Variants in SNRNP35 observed in about 807,000 individuals in gnomAD.
SNRNP35 encodes U11/U12 small nuclear ribonucleoprotein 35 kDa protein.
A neutral mutation model predicts 24.3 loss-of-function variants in SNRNP35; 16 were observed. That is an observed-to-expected ratio of 0.66 (90% CI 0.45 to 1.00). The LOEUF (loss-of-function observed/expected upper bound fraction) is 1.00, where lower values mean the gene tolerates loss of function less well. Among genes scored for constraint, SNRNP35 ranks in the 50% least tolerant of loss-of-function variants. SNRNP35 has a pLI of 0.00. For synonymous variants in SNRNP35, 106 were observed against 124.8 expected, an observed-to-expected ratio of 0.85 and a Z score of 1.00; for missense variants, 292 against 327.2, an observed-to-expected ratio of 0.89 and a Z score of 0.83.
chr12:123,467,426 G>T (rs553446217), downstream of SNRNP35, among the ~76,000 whole-genome samples: 2 of 152,314 alleles, frequency 1.3e-5, no homozygotes, highest in Admixed American at 1.3e-4. Context: ...GAGTGGTCAG[G>T]ATCTATGAAA....
exon 2 of SNRNP35, chr12:123,472,252 A>C: frequency 2.8e-6 from 1 of 353,512 alleles, no homozygotes; most frequent in Non-Finnish European, 5.2e-6. Flanking sequence ...TACTGAAGTT[A>C]ACGCAGAAGT....
intron 1 of SNRNP35, among the ~76,000 whole-genome samples, chr12:123,462,159 G>A (rs1470051612): frequency 6.6e-6 from 1 of 152,184 alleles, no homozygotes; most frequent in Non-Finnish European, 1.5e-5. Flanking sequence ...GTTTCAATGA[G>A]CTGTGAGAAA....
chr12:123,459,672 C>G, intron 1 of SNRNP35: 1 of 559,154 alleles, frequency 1.8e-6, no homozygotes, highest in Non-Finnish European at 3.2e-6. Flanking sequence ...TCTGTAATCC[C>G]AGCTACTCGG....
At chr12:123,472,509 C>G in exon 2 of SNRNP35, 1 of 1,549,740 alleles carries the variant, frequency 6.5e-7, no homozygotes, top group Non-Finnish European at 8.7e-7. Flanking sequence ...GGCGGGCAGT[C>G]CAGGTTGGAG....
In SNRNP35 at chr12:123,465,685, C is replaced by A; in HGVS notation, c.145C>A (p.Pro49Thr). ...YVPNKGVIGDPLLTLFVARLN... is the reference protein window; with the variant it reads ...YVPNKGVIGDTLLTLFVARLN... ...CCCCAACAAAGGTGTCATAGGAGATCCCCTCCTCACCCTGTTTGTGGCCAG... is the reference window on the plus strand; with the variant it reads ...CCCCAACAAAGGTGTCATAGGAGATACCCTCCTCACCCTGTTTGTGGCCAG... The change falls in exon 2 of 2, where the codon CCC (proline) becomes ACC (threonine). Residue 49 changes from proline (P) to threonine (T), a missense_variant. Coordinates refer to ENST00000526639, the MANE Select transcript of SNRNP35 (RefSeq NM_022717.4). This position sits in a 1 kb window ranked among gnomAD's most constrained non-coding sequence, Gnocchi z 4.2. The A allele has an allele frequency of 1.2e-6, 2 of 1,613,796 alleles. No homozygotes were observed. The highest frequency in any genetic ancestry group is 1.7e-6 in the Non-Finnish European group (2 of 1,179,886).
downstream of SNRNP35, among the ~76,000 whole-genome samples, chr12:123,469,577 G>C (rs1188119232): frequency 6.6e-6 from 1 of 152,044 alleles, no homozygotes; most frequent in East Asian, 1.9e-4. Flanking sequence ...GCTCACTGCA[G>C]CCTTGAACTG....
rs1880673738 is a variant in SNRNP35, at chr12:123,462,252, TAGAC to T, written c.-3-3283_-3-3280del. Among the ~76,000 whole-genome samples, 5 of 152,086 alleles carry T rather than the reference TAGAC, an allele frequency of 3.3e-5. No individual in the cohort carries two copies. In the South Asian group the frequency reaches 1.0e-3, roughly 32 times the overall value. ...TTTCCGCAAGTGGATATGAGGGAGA[TAGAC>T]AGGGAGAGCATATTCCCAAGAGAAG... On this transcript the variant is annotated intron_variant, in intron 1 of 1. Transcript: ENST00000526639.
chr12:123,465,408 T>TG lies in SNRNP35; in HGVS notation c.-3-127dup. 2 of 1,132,182 alleles carry TG rather than the reference T, an allele frequency of 1.8e-6. No homozygotes were observed. Among genetic ancestry groups the TG allele is most frequent in the South Asian group, 3.7e-5 (2 of 54,154 alleles). 70.1% of individuals were successfully genotyped at this position (1,132,182 alleles called of 1,614,324 possible). On this transcript the variant is annotated intron_variant, in intron 1 of 1. Transcript: ENST00000526639. This position sits in a 1 kb window ranked among gnomAD's most constrained non-coding sequence, Gnocchi z 4.2. ...ACTAGCAGGGAGGACTTAGCCTCTGTGGGTGTTCCCTTCCTTTCCTGTTTT... is the reference window on the plus strand; with the variant it reads ...ACTAGCAGGGAGGACTTAGCCTCTGTGGGGTGTTCCCTTCCTTTCCTGTTTT...
At chr12:123,472,771 A>G in exon 2 of SNRNP35, 1 of 1,408,632 alleles carries the variant, frequency 7.1e-7, no homozygotes, top group East Asian at 2.5e-5. Context: ...ATATAGCAGC[A>G]AACTTAGAAG....
intron 1 of SNRNP35, among the ~76,000 whole-genome samples, chr12:123,463,591 T>G (rs1880755839): frequency 6.6e-6 from 1 of 150,922 alleles, no homozygotes. Context: ...TTGGCCAGAC[T>G]GGTCTCAAAC....
intron 1 of SNRNP35, among the ~76,000 whole-genome samples, chr12:123,458,608 T>TC (rs1472283119): frequency 1.3e-4 from 19 of 150,126 alleles, no homozygotes; most frequent in African/African-American, 4.4e-4. Flanking sequence ...TTTTTTTTTT[T>TC]CCTTTTTGAG....
chr12:123,468,291 G>A (rs1284155434), downstream of SNRNP35, among the ~76,000 whole-genome samples: 1 of 148,874 alleles, frequency 6.7e-6, no homozygotes, highest in African/African-American at 2.5e-5. Context: ...CCCAGGAGGC[G>A]GAGGTTGCAG....
chr12:123,466,925 T>G lies in SNRNP35; in HGVS notation c.*644T>G, dbSNP rs527306142. ...TGCTGGGATTACAGGCATAAGCCAC[T>G]GCGCCCAGCCAGAAGGGCATTTGTA... On this transcript the variant is annotated 3_prime_UTR_variant, in exon 2 of 2. Transcript: ENST00000526639. 3.7e-5 allele frequency: 5 copies of G among 135,414 alleles called. No individual in the cohort carries two copies. The highest frequency in any genetic ancestry group is 7.7e-5 in the Non-Finnish European group (5 of 64,836). The allele number at this position is 135,414 out of a possible 1,614,324, so 8.4% of individuals were successfully genotyped here. A position where few individuals can be genotyped will look rare whatever the true frequency, so the allele number is the denominator to read the frequency against.
At chr12:123,460,602 C>CA (rs35255989) in intron 1 of SNRNP35, among the ~76,000 whole-genome samples, 40,215 of 78,812 alleles carry the variant, frequency 0.51, 10,932 homozygotes, top group East Asian at 0.86. Context: ...CCCATCTCTA[C>CA]AAAAAAAAAA....
downstream of SNRNP35, among the ~76,000 whole-genome samples, chr12:123,469,891 G>A (rs536309777): frequency 2.2e-4 from 33 of 152,084 alleles, 1 homozygote; most frequent in South Asian, 6.2e-3. Context: ...AAAAAAGGAG[G>A]GCCAGGTATG....
Position 123,465,911 on chromosome 12 carries a change from T to A in SNRNP35, c.371T>A (p.Val124Glu), listed in dbSNP as rs892054873. The stretch of plus-strand genomic sequence containing the variant: ...GTTATTGACCAGCATGAGATATTTG[T>A]GGACTACGAGCTGGAAAGGACTCTC... Reference protein sequence around the residue: ...GLVIDQHEIFVDYELERTLKG... With the variant: ...GLVIDQHEIFEDYELERTLKG... The change falls in exon 2 of 2, where the codon GTG (valine) becomes GAG (glutamate). Residue 124 changes from valine to glutamate, a missense_variant. By Grantham distance (121) the Val-to-Glu change is moderately radical. Transcript: ENST00000526639. This position sits in a 1 kb window ranked among gnomAD's most constrained non-coding sequence, Gnocchi z 4.2. The A allele has an allele frequency of 6.2e-7, 1 of 1,613,696 alleles. No individual in the cohort carries two copies. The highest frequency in any genetic ancestry group is 8.5e-7 in the Non-Finnish European group (1 of 1,179,942).
chr12:123,470,491 AAAG>A, downstream of SNRNP35: 1 of 152,742 alleles, frequency 6.5e-6, no homozygotes, highest in Non-Finnish European at 1.4e-5. Context: ...AAAAAAAAAA[AAAG>A]GCCAGCCACA....
downstream of SNRNP35, chr12:123,470,441 C>G (rs1388921503): frequency 7.0e-6 from 1 of 143,768 alleles, no homozygotes; most frequent in African/African-American, 2.6e-5. Flanking sequence ...CCACTGTACT[C>G]CAGCCTAGGT....
intron 1 of SNRNP35, among the ~76,000 whole-genome samples, chr12:123,463,088 T>C (rs894900729): frequency 6.6e-6 from 1 of 152,118 alleles, no homozygotes; most frequent in Non-Finnish European, 1.5e-5. Context: ...TGAGACAGGG[T>C]CTCACTCTGT....
Sources: gnomAD v4.1 joint callset for allele counts (sites outside exome capture counted in the v4.1 genomes callset) on GRCh38, gnomAD v4.1.1 for gene constraint, Gnocchi (gnomAD v3.1) non-coding constraint, MANE v1.5 for transcripts, NCBI Gene and HGNC (gene_info 2026-07-23, HGNC 2026-07-21) for gene names.